TMEM40: variants seen among roughly 807,000 people sequenced by gnomAD.
The protein encoded by TMEM40 is transmembrane protein 40.
A neutral mutation model predicts 40.8 loss-of-function variants in TMEM40; 34 were observed. The ratio of observed to expected loss-of-function variants is 0.83; its 90% CI spans 0.63 to 1.11. The LOEUF (loss-of-function observed/expected upper bound fraction) is 1.11. TMEM40 is among the 50% of genes least tolerant of loss of function. The probability of loss-of-function intolerance (pLI) is 0.00; values close to 1 mark genes in which losing one functional copy is unlikely to be tolerated. For synonymous variants in TMEM40, 106 were observed against 107.0 expected (o/e 0.99, Z 0.06); for missense variants, 296 against 280.2 (o/e 1.06, Z -0.40).
At chr3:12,755,017 T>G (rs1346231915) in intron 1 of TMEM40, among the ~76,000 whole-genome samples, 1 of 150,756 alleles carries the variant, frequency 6.6e-6, no homozygotes, top group African/African-American at 2.4e-5. Flanking sequence ...CCTTCCTCTC[T>G]CTCCTTCCCC....
intron 3 of TMEM40, among the ~76,000 whole-genome samples, chr3:12,744,686 G>A (rs888161865): frequency 3.3e-5 from 5 of 152,188 alleles, no homozygotes; most frequent in African/African-American, 1.2e-4. Context: ...TGTGCTCTTT[G>A]GCCAGTCAGC....
chr3:12,758,852 C>T (rs1023258808), intron 1 of TMEM40, among the ~76,000 whole-genome samples: 3 of 152,156 alleles, frequency 2.0e-5, no homozygotes, highest in African/African-American at 7.2e-5. Context: ...TCTAGCTGGA[C>T]CCTTCATTTT....
chr3:12,748,616 T>C (rs1333788028), intron 3 of TMEM40, 39 bp downstream of exon 3: 1 of 1,579,378 alleles, frequency 6.3e-7, no homozygotes. Flanking sequence ...GTAAATCTTT[T>C]TCTTGAATAA....
chr3:12,742,633 G>C, intron 4 of TMEM40, 126 bp from the exon 5 acceptor site: 1 of 1,085,634 alleles, frequency 9.2e-7, no homozygotes, highest in South Asian at 1.5e-5. Context: ...GTGGGGGGCA[G>C]TCTTCAGGAG....
At chr3:12,742,528 T>A (rs1176748633) in intron 4 of TMEM40, 21 bp from the exon 5 acceptor site, 1 of 1,613,184 alleles carries the variant, frequency 6.2e-7, no homozygotes, top group Non-Finnish European at 8.5e-7. Flanking sequence ...ACAAACCCCT[T>A]AGTCAGCACT....
At chr3:12,759,096 AC>A (rs1224780370) in intron 1 of TMEM40, 94 bp downstream of exon 1, 1 of 152,176 alleles carries the variant, frequency 6.6e-6, no homozygotes, top group Non-Finnish European at 1.5e-5. Flanking sequence ...CCAAGGAACC[AC>A]ACAATATCAA....
In TMEM40 at chr3:12,740,055, AAC is replaced by A. The variant is rs536019702; in HGVS notation, c.356-1469_356-1468del. On this transcript the variant is annotated intron_variant, in intron 5 of 11. Coordinates refer to ENST00000314124, the MANE Select transcript of TMEM40 (RefSeq NM_018306.4). ...TATATAATATACTTATATATTATAT[AAC>A]ACAAATTATAAATATTATATATTTA... Among the ~76,000 whole-genome samples the A allele has an allele frequency of 2.0e-3, 292 of 147,542 alleles. 4 individuals carry two copies. Among genetic ancestry groups the A allele is most frequent in the African/African-American group, 7.0e-3 (283 of 40,588 alleles).
Position 12,744,006 on chromosome 3 carries a change from C to T in TMEM40, c.212-17G>A, listed in dbSNP as rs2061406875. 6.2e-7 allele frequency: 1 copy of T among 1,608,542 alleles called. No homozygotes were observed. Among genetic ancestry groups the T allele is most frequent in the Non-Finnish European group, 8.5e-7 (1 of 1,177,588 alleles). On this transcript the variant is annotated splice_polypyrimidine_tract_variant and intron_variant, in intron 3 of 11. Transcript: ENST00000314124. ...CATTGCTCTCTGCGGGTAACAAACACAAGCTGTAGGAGAAGCTCAGCCTGG... is the reference window on the plus strand; with the variant it reads ...CATTGCTCTCTGCGGGTAACAAACATAAGCTGTAGGAGAAGCTCAGCCTGG...
intron 3 of TMEM40, among the ~76,000 whole-genome samples, chr3:12,744,414 G>A (rs1013477641): frequency 5.3e-5 from 8 of 152,120 alleles, no homozygotes; most frequent in Non-Finnish European, 1.0e-4. Flanking sequence ...CTGTGTTATT[G>A]AGAAGCTTAA....
rs369495426 is a variant in TMEM40 at position 12,735,890 on chromosome 3, G to T, written c.620-273C>A. On this transcript the variant is annotated intron_variant, in intron 10 of 11. Coordinates refer to ENST00000314124, the MANE Select transcript of TMEM40 (RefSeq NM_018306.4). ...GTATCTGGCTAGTTCTATTTTGTTT[G>T]CCACTTTTATTTATTTATTTTATAG... 1.2e-4 allele frequency among the ~76,000 whole-genome samples: 18 copies of T among 152,260 alleles called. 2 individuals carry two copies. The highest frequency in any genetic ancestry group is 2.6e-4 in the Admixed American group (4 of 15,274).
intron 8 of TMEM40, 110 bp downstream of exon 8, chr3:12,737,597 C>G: frequency 1.0e-6 from 1 of 975,298 alleles, no homozygotes; most frequent in Non-Finnish European, 1.6e-6. Context: ...CTGCAGGGCA[C>G]ACGACAGAGG....
At chr3:12,755,213 T>TC (rs1233789779) in intron 1 of TMEM40, among the ~76,000 whole-genome samples, 42 of 94,308 alleles carry the variant, frequency 4.5e-4, no homozygotes, top group Middle Eastern at 5.0e-3. Context: ...CTTTCTTTCT[T>TC]TCTCTCTCTC....
intron 1 of TMEM40, among the ~76,000 whole-genome samples, chr3:12,752,400 G>A (rs990993373): frequency 6.6e-6 from 1 of 152,184 alleles, no homozygotes; most frequent in South Asian, 2.1e-4. Context: ...GCCAGGCAAG[G>A]TTCTAACAGT....
At chr3:12,758,615 C>A (rs1181124642) in intron 1 of TMEM40, among the ~76,000 whole-genome samples, 2 of 152,180 alleles carry the variant, frequency 1.3e-5, no homozygotes, top group Non-Finnish European at 1.5e-5. Context: ...GCATATCCTC[C>A]CCGGGGGTGC....
At chr3:12,741,997 C>G (rs1216196415) in intron 5 of TMEM40, among the ~76,000 whole-genome samples, 1 of 152,060 alleles carries the variant, frequency 6.6e-6, no homozygotes, top group Non-Finnish European at 1.5e-5. Context: ...TTTGGGAGGC[C>G]GAGGCGGGCG....
chr3:12,739,385 T>C (rs569725935), intron 5 of TMEM40, among the ~76,000 whole-genome samples: 14 of 151,750 alleles, frequency 9.2e-5, no homozygotes, highest in Middle Eastern at 3.4e-3. Context: ...CCCGGGTTCA[T>C]GCCATTCTCC....
intron 5 of TMEM40, chr3:12,738,892 T>C (rs932110927): frequency 1.1e-4 from 39 of 353,860 alleles, no homozygotes; most frequent in Admixed American, 4.9e-4. Flanking sequence ...CGGTGGCTCA[T>C]GCCTGTAATA....
intron 1 of TMEM40, among the ~76,000 whole-genome samples, chr3:12,756,778 C>CCT (rs10644374): frequency 3.3e-5 from 5 of 150,542 alleles, no homozygotes; most frequent in South Asian, 2.1e-4. Flanking sequence ...TACCCACCTC[C>CCT]CTCTCTCTCT....
At chr3:12,752,682 C>T (rs2061487747) in intron 1 of TMEM40, among the ~76,000 whole-genome samples, 1 of 151,980 alleles carries the variant, frequency 6.6e-6, no homozygotes, top group Admixed American at 6.6e-5. Context: ...CCTGTAATCC[C>T]AGCTACTCAG....
Sources: allele counts gnomAD v4.1 joint callset (sites outside exome capture counted in the v4.1 genomes callset), GRCh38; gene constraint gnomAD v4.1.1; transcripts MANE v1.5; gene names NCBI Gene and HGNC (gene_info 2026-07-23, HGNC 2026-07-21).